Variants in AFF2 observed in about 807,000 individuals in gnomAD.
AFF2 encodes AF4/FMR2 family member 2.
A neutral mutation model predicts 76.9 loss-of-function variants in AFF2; 14 were observed. That is an observed-to-expected ratio of 0.18 (90% CI 0.12 to 0.28). The LOEUF (loss-of-function observed/expected upper bound fraction) is 0.28, where lower values mean the gene tolerates loss of function less well. AFF2 is among the 10% of genes least tolerant of loss of function. The pLI, the probability that AFF2 is intolerant of heterozygous loss-of-function variation, is 1.00. For synonymous variants in AFF2, 398 were observed against 366.7 expected, an observed-to-expected ratio of 1.09 and a Z score of -0.98; for missense variants, 868 against 1,001.1, an observed-to-expected ratio of 0.87 and a Z score of 1.79.
intron 1 of AFF2, among the ~76,000 whole-genome samples, chrX:148,597,490 A>C (rs782799933): frequency 8.9e-6 from 1 of 112,292 alleles, no homozygotes; most frequent in African/African-American, 3.2e-5. Context: ...AATAATTTCA[A>C]ATTGCTGAGC....
chrX:148,982,628 A>G (rs2072409476), intron 19 of AFF2, among the ~76,000 whole-genome samples: 1 of 112,152 alleles, frequency 8.9e-6, no homozygotes, highest in South Asian at 3.8e-4. Flanking sequence ...CTGGCTAGCA[A>G]TTGGGGAAGT....
At chrX:148,776,705 G>GT (rs782769896) in intron 3 of AFF2, among the ~76,000 whole-genome samples, 7 of 109,525 alleles carry the variant, frequency 6.4e-5, no homozygotes, top group East Asian at 2.9e-4. Context: ...TGATGGGGTT[G>GT]TTTTTTTTTC....
chrX:148,661,220 G>A (rs1240385809), intron 2 of AFF2, among the ~76,000 whole-genome samples: 1 of 112,515 alleles, frequency 8.9e-6, no homozygotes, highest in Non-Finnish European at 1.9e-5. Flanking sequence ...CACTGTTGAT[G>A]AACAATTGCA....
chrX:148,687,236 G>A (rs1294316621), intron 3 of AFF2, among the ~76,000 whole-genome samples: 2 of 111,299 alleles, frequency 1.8e-5, no homozygotes, highest in East Asian at 2.8e-4. Flanking sequence ...CAAATTATCA[G>A]GTTTCATTTT....
intron 1 of AFF2, among the ~76,000 whole-genome samples, chrX:148,509,572 T>C (rs1025782276): frequency 8.9e-6 from 1 of 112,296 alleles, no homozygotes; most frequent in African/African-American, 3.2e-5. Flanking sequence ...AAATGTGTTT[T>C]TTTTCTGAAA....
At chrX:148,693,415 C>G (rs2054676940) in intron 3 of AFF2, among the ~76,000 whole-genome samples, 1 of 112,043 alleles carries the variant, frequency 8.9e-6, no homozygotes, top group Non-Finnish European at 1.9e-5. Context: ...AGGCAGGGAT[C>G]TGGGACACTT....
In AFF2 at chrX:148,512,100, T is replaced by C. The variant is rs782533881; in HGVS notation, c.47+10956T>C. 1.2e-4 allele frequency among the ~76,000 whole-genome samples: 13 copies of C among 111,231 alleles called. No individual in the cohort carries two copies. In the South Asian group the frequency reaches 4.2e-3, roughly 36 times the overall value. On this transcript the variant is annotated intron_variant, in intron 1 of 20. Coordinates refer to ENST00000370460, the MANE Select transcript of AFF2 (RefSeq NM_002025.4). Reference sequence around the variant, plus strand: ...ATTAATGGGTCTTTAATAAATTGGGTCTCATAATCAGAAATGAAACTTATC... The same window carrying C: ...ATTAATGGGTCTTTAATAAATTGGGCCTCATAATCAGAAATGAAACTTATC...
intron 3 of AFF2, among the ~76,000 whole-genome samples, chrX:148,664,717 A>G (rs1243491225): frequency 8.9e-6 from 1 of 112,689 alleles, no homozygotes; most frequent in Non-Finnish European, 1.9e-5. Flanking sequence ...GATACTCAAT[A>G]AATGTTTGTT....
intron 3 of AFF2, among the ~76,000 whole-genome samples, chrX:148,666,524 G>A (rs1052412920): frequency 2.5e-4 from 28 of 110,253 alleles, no homozygotes; most frequent in African/African-American, 8.9e-4. Flanking sequence ...GGCAGAGGTT[G>A]CAGTGAGCCG....
chrX:148,509,198 A>G (rs1557232846), intron 1 of AFF2, among the ~76,000 whole-genome samples: 3 of 112,113 alleles, frequency 2.7e-5, no homozygotes. Flanking sequence ...TGTAAGTAAA[A>G]CAGGAATTCT....
intron 3 of AFF2, among the ~76,000 whole-genome samples, chrX:148,767,389 A>G (rs1343423132): frequency 4.5e-5 from 5 of 111,614 alleles, no homozygotes; most frequent in Non-Finnish European, 9.4e-5. Context: ...AGTGGCATCA[A>G]TGTGACCATG....
chrX:148,593,710 T>C (rs1435219406), intron 1 of AFF2, among the ~76,000 whole-genome samples: 2 of 112,489 alleles, frequency 1.8e-5, no homozygotes, highest in African/African-American at 6.5e-5. Flanking sequence ...AGCTGCTATT[T>C]ATTGAGTGCT....
chrX:148,875,410 G>A (rs1217541542), intron 7 of AFF2, among the ~76,000 whole-genome samples: 1 of 111,812 alleles, frequency 8.9e-6, no homozygotes, highest in Non-Finnish European at 1.9e-5. Context: ...TACGTGGAGA[G>A]AATGCCTTGT....
intron 1 of AFF2, among the ~76,000 whole-genome samples, chrX:148,542,444 G>A (rs781980057): frequency 1.8e-5 from 2 of 111,536 alleles, no homozygotes; most frequent in Non-Finnish European, 3.8e-5. Flanking sequence ...TCCCCAAATT[G>A]ATGCCTCTTC....
chrX:148,541,896 C>T (rs2052861530), intron 1 of AFF2, among the ~76,000 whole-genome samples: 1 of 107,325 alleles, frequency 9.3e-6, no homozygotes, highest in Admixed American at 1.0e-4. Flanking sequence ...TGAACTGAGG[C>T]TTAGTGAGGC....
At chrX:148,715,771 A>AG (rs113091634) in intron 3 of AFF2, among the ~76,000 whole-genome samples, 7 of 112,084 alleles carry the variant, frequency 6.2e-5, no homozygotes, top group African/African-American at 2.3e-4. Flanking sequence ...CTAATTTTCT[A>AG]GGGGTCCCAA....
intron 18 of AFF2, among the ~76,000 whole-genome samples, chrX:148,980,191 C>A (rs1199183725): frequency 8.9e-6 from 1 of 112,180 alleles, no homozygotes; most frequent in African/African-American, 3.2e-5. Context: ...TGCAATGCAG[C>A]CCTGGACCAG....
intron 1 of AFF2, among the ~76,000 whole-genome samples, chrX:148,526,141 A>G (rs782598015): frequency 3.7e-4 from 41 of 111,883 alleles, no homozygotes; most frequent in Non-Finnish European, 6.0e-4. Context: ...GCACTCCACT[A>G]TAAGAAATAA....
intron 3 of AFF2, among the ~76,000 whole-genome samples, chrX:148,747,978 C>T (rs1471790790): frequency 8.9e-6 from 1 of 111,815 alleles, no homozygotes; most frequent in African/African-American, 3.3e-5. Context: ...TAGAAATGGG[C>T]TCAAATTTTT....
Sources: gnomAD v4.1 joint callset for allele counts (sites outside exome capture counted in the v4.1 genomes callset) on GRCh38, gnomAD v4.1.1 for gene constraint, MANE v1.5 for transcripts, NCBI Gene and HGNC (gene_info 2026-07-23, HGNC 2026-07-21) for gene names.